The following WDPCP variants were observed in gnomAD, a reference collection of about 807,000 sequenced individuals.
WDPCP encodes the protein WD repeat-containing and planar cell polarity effector protein fritz homolog.
A neutral mutation model predicts 93.1 loss-of-function variants in WDPCP; 71 were observed. That is an observed-to-expected ratio of 0.76 (90% CI 0.63 to 0.93). The LOEUF is 0.93. Among genes scored for constraint, WDPCP ranks in the 40% least tolerant of loss-of-function variants. The probability of loss-of-function intolerance (pLI) is 0.00; values close to 1 mark genes in which losing one functional copy is unlikely to be tolerated. For missense variants in WDPCP, 844 were observed against 887.4 expected (o/e 0.95, Z 0.62); for synonymous variants, 315 against 315.0 (o/e 1.00, Z 0.00).
chr2:63,215,032 A>G (rs571358818), intron 14 of WDPCP, among the ~76,000 whole-genome samples: 1 of 152,342 alleles, frequency 6.6e-6, no homozygotes, highest in South Asian at 2.1e-4. Context: ...CAATATCATG[A>G]AAATGGCCAT....
intron 2 of WDPCP, among the ~76,000 whole-genome samples, chr2:63,761,432 A>T (rs1670052578): frequency 1.3e-5 from 2 of 152,264 alleles, no homozygotes; most frequent in East Asian, 3.9e-4. Context: ...AAGGCAAACC[A>T]CAAGCCTGAT....
chr2:63,426,855 G>A (rs1272461235), intron 9 of WDPCP, among the ~76,000 whole-genome samples: 1 of 152,036 alleles, frequency 6.6e-6, no homozygotes, highest in East Asian at 1.9e-4. Flanking sequence ...CTCAAATTAA[G>A]GAGAAAGATC....
intron 2 of WDPCP, among the ~76,000 whole-genome samples, chr2:63,799,698 A>C (rs1670665855): frequency 6.6e-6 from 1 of 152,212 alleles, no homozygotes; most frequent in African/African-American, 2.4e-5. Flanking sequence ...CTTCACAAAT[A>C]TAAAAACCAT....
chr2:63,505,650 A>T (rs1316881916), intron 1 of WDPCP, among the ~76,000 whole-genome samples: 1 of 152,124 alleles, frequency 6.6e-6, no homozygotes, highest in Non-Finnish European at 1.5e-5. Context: ...CTGTTCAATA[A>T]ATGTGCTTCT....
At chr2:63,550,054 A>G (rs1200463981) in intron 1 of WDPCP, among the ~76,000 whole-genome samples, 2 of 112,988 alleles carry the variant, frequency 1.8e-5, no homozygotes, top group Non-Finnish European at 3.5e-5. Context: ...TGCATCAACC[A>G]ATGCTTTCTC....
intron 6 of WDPCP, among the ~76,000 whole-genome samples, chr2:63,474,241 TG>T (rs1283884409): frequency 2.0e-5 from 3 of 152,090 alleles, no homozygotes; most frequent in Non-Finnish European, 4.4e-5. Flanking sequence ...ACTAGAATTG[TG>T]TCTTCCAGTG....
chr2:63,503,779 A>T (rs1013672340), intron 1 of WDPCP, among the ~76,000 whole-genome samples: 1 of 152,148 alleles, frequency 6.6e-6, no homozygotes, highest in Admixed American at 6.6e-5. Context: ...AATAGCTAAA[A>T]TAAAGGCAAG....
intron 13 of WDPCP, among the ~76,000 whole-genome samples, chr2:63,302,156 A>T (rs889765337): frequency 6.6e-6 from 1 of 152,158 alleles, no homozygotes; most frequent in African/African-American, 2.4e-5. Flanking sequence ...AACGACTCTG[A>T]TAGGTATATA....
At chr2:63,513,472 G>T (rs972923051) in intron 1 of WDPCP, among the ~76,000 whole-genome samples, 7 of 151,938 alleles carry the variant, frequency 4.6e-5, no homozygotes, top group Admixed American at 4.6e-4. Flanking sequence ...GGATTTGAAG[G>T]TCTCTGAAGC....
intron 1 of WDPCP, among the ~76,000 whole-genome samples, chr2:63,562,295 C>T (rs1706685736): frequency 6.6e-6 from 1 of 152,134 alleles, no homozygotes; most frequent in South Asian, 2.1e-4. Context: ...CACATATTCT[C>T]ACTTATAAGT....
At chr2:63,626,934 C>T (rs1709816593) in intron 3 of WDPCP, among the ~76,000 whole-genome samples, 1 of 151,208 alleles carries the variant, frequency 6.6e-6, no homozygotes, top group Non-Finnish European at 1.5e-5. Flanking sequence ...TGTAACAAAC[C>T]TGCACGTTCT....
chr2:63,492,889 G>A lies in WDPCP; in HGVS notation c.127C>T (p.Leu43=), dbSNP rs778578123. Reference sequence around the variant, plus strand: ...TGTAAGGTATTCTTCAAAGACCACAGGTGCAGTTCAGTCAAGCAGAAAGAC... The same window carrying A: ...TGTAAGGTATTCTTCAAAGACCACAAGTGCAGTTCAGTCAAGCAGAAAGAC... The part of the protein sequence containing the change: ...QMSFCLTELH[L]WSLKNTLHIA... The change falls in exon 2 of 18, where the codon CTG becomes TTG. Residue 43 remains leucine (L), a synonymous_variant. Coordinates refer to ENST00000272321, the MANE Select transcript of WDPCP (RefSeq NM_015910.7). 1 of 1,613,584 alleles carries A rather than the reference G, an allele frequency of 6.2e-7. No individual in the cohort carries two copies.
At chr2:63,671,960 C>T (rs1710353159) in intron 2 of WDPCP, among the ~76,000 whole-genome samples, 1 of 152,108 alleles carries the variant, frequency 6.6e-6, no homozygotes, top group African/African-American at 2.4e-5. Flanking sequence ...TCAGTGGGCA[C>T]TCTCTCAGTC....
rs141635250 is a variant in WDPCP, at chr2:63,461,973, C to A, written c.385-22102G>T. 8.0e-3 allele frequency among the ~76,000 whole-genome samples: 1,213 copies of A among 152,280 alleles called. 12 individuals are homozygous for A. Among genetic ancestry groups the A allele is most frequent in the African/African-American group, 0.024 (1,014 of 41,548 alleles). ...CTCAAGGATCTAGAACTAGAAATAC[C>A]ATTTGATCCAGCCATCCCATTACTG... On this transcript the variant is annotated intron_variant, in intron 6 of 17. Coordinates refer to ENST00000272321, the MANE Select transcript of WDPCP (RefSeq NM_015910.7).
At chr2:63,525,464 G>C (rs932539872) in intron 1 of WDPCP, among the ~76,000 whole-genome samples, 2 of 152,136 alleles carry the variant, frequency 1.3e-5, no homozygotes, top group Non-Finnish European at 2.9e-5. Flanking sequence ...CTTTTGGATA[G>C]TGATCTGTTC....
At chr2:63,720,214 C>T (rs1001520622) in intron 2 of WDPCP, among the ~76,000 whole-genome samples, 2 of 151,778 alleles carry the variant, frequency 1.3e-5, no homozygotes, top group African/African-American at 2.4e-5. Context: ...CTCAGAAGTT[C>T]GAGACCAGCC....
At chr2:63,347,460 T>C (rs1233367231) in intron 12 of WDPCP, among the ~76,000 whole-genome samples, 1 of 152,188 alleles carries the variant, frequency 6.6e-6, no homozygotes, top group Non-Finnish European at 1.5e-5. Flanking sequence ...AGCTACTCAA[T>C]TGCATAGTAG....
upstream of WDPCP, chr2:63,589,061 C>T (rs1709085450): frequency 6.2e-7 from 1 of 1,614,080 alleles, no homozygotes; most frequent in African/African-American, 1.3e-5. Flanking sequence ...GTGTGGGCCC[C>T]GGGTTCCTGC....
chr2:63,220,292 G>C (rs766116216), intron 14 of WDPCP, among the ~76,000 whole-genome samples: 1 of 152,116 alleles, frequency 6.6e-6, no homozygotes, highest in Non-Finnish European at 1.5e-5. Context: ...TGGAGAATGG[G>C]GTGAGAACTT....
Sources: allele counts gnomAD v4.1 joint callset (sites outside exome capture counted in the v4.1 genomes callset), GRCh38; gene constraint gnomAD v4.1.1; transcripts MANE v1.5; gene names NCBI Gene and HGNC (gene_info 2026-07-23, HGNC 2026-07-21).